The following SLC36A1 variants were observed in gnomAD, a reference collection of about 807,000 sequenced individuals.
SLC36A1 encodes solute carrier family 36 member 1.
SLC36A1 carries 30 observed loss-of-function variants against 47.5 expected under a neutral mutation model. That is an observed-to-expected ratio of 0.63 (90% CI 0.47 to 0.86). The LOEUF is 0.86. Ranked by LOEUF, SLC36A1 falls within the 40% of genes least tolerant of loss-of-function variation. The pLI is 0.00. For synonymous variants in SLC36A1, 255 were observed against 249.7 expected (o/e 1.02, Z -0.20); for missense variants, 517 against 606.0 (o/e 0.85, Z 1.54).
downstream of SLC36A1, among the ~76,000 whole-genome samples, chr5:151,494,922 T>TA (rs1028349876): frequency 9.8e-5 from 15 of 152,286 alleles, no homozygotes; most frequent in Non-Finnish European, 1.8e-4. Flanking sequence ...TATTTAATTA[T>TA]AAAAAAATTA....
chr5:151,396,947 G>T, the SLC36A1 span, among the ~76,000 whole-genome samples: 2 of 152,212 alleles, frequency 1.3e-5, no homozygotes, highest in Non-Finnish European at 2.9e-5. Flanking sequence ...TAAGTATTCT[G>T]TAAGGGCTCA....
intron 5 of SLC36A1, among the ~76,000 whole-genome samples, chr5:151,466,614 C>T (rs1276247891): frequency 6.6e-6 from 1 of 152,110 alleles, no homozygotes; most frequent in African/African-American, 2.4e-5. Context: ...TTTCTGTGTC[C>T]TTAATGTGGG....
the SLC36A1 span, among the ~76,000 whole-genome samples, chr5:151,513,144 C>CTGA: frequency 6.6e-6 from 1 of 152,210 alleles, no homozygotes; most frequent in Non-Finnish European, 1.5e-5. Flanking sequence ...GTTGTCACAA[C>CTGA]TGATGAATGC....
the SLC36A1 span, among the ~76,000 whole-genome samples, chr5:151,429,497 G>T: frequency 6.6e-6 from 1 of 151,472 alleles, no homozygotes; most frequent in Admixed American, 6.6e-5. Flanking sequence ...ATGGTTTCCA[G>T]TTTCATCCAT....
the SLC36A1 span, among the ~76,000 whole-genome samples, chr5:151,530,188 T>C: frequency 0.036 from 5,482 of 151,912 alleles, 319 homozygotes; most frequent in African/African-American, 0.13. Context: ...AAATTATAAC[T>C]ATATATTCAT....
At chr5:151,417,524 C>G in the SLC36A1 span, among the ~76,000 whole-genome samples, 1 of 152,102 alleles carries the variant, frequency 6.6e-6, no homozygotes. Flanking sequence ...GCATTTTGCC[C>G]CCAACCTAGA....
chr5:151,439,513 C>T (rs1354153454), intron 1 of SLC36A1, among the ~76,000 whole-genome samples: 2 of 151,868 alleles, frequency 1.3e-5, no homozygotes, highest in African/African-American at 2.4e-5. Flanking sequence ...ATTTGCCAGG[C>T]GTGGTGGTGT....
At chr5:151,354,474 C>T in the SLC36A1 span, among the ~76,000 whole-genome samples, 2 of 152,204 alleles carry the variant, frequency 1.3e-5, no homozygotes, top group Non-Finnish European at 2.9e-5. Flanking sequence ...AATATCTGCA[C>T]TTCAGCCAAG....
At chr5:151,545,622 A>C in the SLC36A1 span, 2 of 1,614,142 alleles carry the variant, frequency 1.2e-6, no homozygotes, top group African/African-American at 2.7e-5. Flanking sequence ...AGAATTGGAA[A>C]GAGGGCATGC....
At chr5:151,528,152 A>G in the SLC36A1 span, 38 of 1,611,062 alleles carry the variant, frequency 2.4e-5, no homozygotes, top group Middle Eastern at 3.3e-4. Context: ...GGGTAGGGGG[A>G]TTGTGAATGG....
the SLC36A1 span, among the ~76,000 whole-genome samples, chr5:151,399,013 G>A: frequency 7.0e-6 from 1 of 143,038 alleles, no homozygotes; most frequent in African/African-American, 2.6e-5. Context: ...TCTCCTTCTC[G>A]CTCTGCATGT....
chr5:151,442,272 A>G (rs76528780), intron 1 of SLC36A1, among the ~76,000 whole-genome samples: 2,298 of 152,338 alleles, frequency 0.015, 46 homozygotes, highest in African/African-American at 0.052. Flanking sequence ...ATCATTTCAC[A>G]TAGCTACCCA....
chr5:151,458,332 ATGGGATATT>A (rs1192004778), intron 1 of SLC36A1, among the ~76,000 whole-genome samples: 65 of 108,328 alleles, frequency 6.0e-4, no homozygotes, highest in African/African-American at 2.0e-3. Flanking sequence ...ATATATATAT[ATGGGATATT>A]TATATATATA....
At chr5:151,516,379 G>T in the SLC36A1 span, among the ~76,000 whole-genome samples, 1 of 152,086 alleles carries the variant, frequency 6.6e-6, no homozygotes, top group Non-Finnish European at 1.5e-5. Flanking sequence ...TAGTGAGCGT[G>T]GTTGCACACA....
chr5:151,404,772 C>A, the SLC36A1 span, among the ~76,000 whole-genome samples: 1 of 152,206 alleles, frequency 6.6e-6, no homozygotes, highest in East Asian at 1.9e-4. Context: ...GCTGAGAAGA[C>A]TACTGTTTAA....
the SLC36A1 span, among the ~76,000 whole-genome samples, chr5:151,536,300 C>A: frequency 6.6e-6 from 1 of 152,134 alleles, no homozygotes; most frequent in Non-Finnish European, 1.5e-5. Flanking sequence ...GGTTAAATAA[C>A]CTGCCTGGGT....
intron 5 of SLC36A1, among the ~76,000 whole-genome samples, chr5:151,466,693 A>G (rs1478471521): frequency 1.3e-5 from 2 of 152,206 alleles, no homozygotes. Context: ...TTTTATGTCA[A>G]GGGCTCCCTG....
the SLC36A1 span, chr5:151,544,078 C>G: frequency 6.2e-7 from 1 of 1,614,170 alleles, no homozygotes; most frequent in East Asian, 2.2e-5. Context: ...ATCCATGGCC[C>G]TGACTTTCAC....
At chr5:151,431,797 C>T in the SLC36A1 span, among the ~76,000 whole-genome samples, 4 of 152,156 alleles carry the variant, frequency 2.6e-5, no homozygotes, top group African/African-American at 9.7e-5. Flanking sequence ...TACCCAGTCT[C>T]GAGTGTGTCT....
Sources: gnomAD v4.1 joint callset for allele counts (sites outside exome capture counted in the v4.1 genomes callset) on GRCh38, gnomAD v4.1.1 for gene constraint, MANE v1.5 for transcripts, NCBI Gene and HGNC (gene_info 2026-07-23, HGNC 2026-07-21) for gene names.